The following SYCP2L variants were observed in gnomAD, a reference collection of about 807,000 sequenced individuals.
SYCP2L encodes synaptonemal complex protein 2 like.
SYCP2L carries 98 observed loss-of-function variants against 125.8 expected under a neutral mutation model. The ratio of observed to expected loss-of-function variants is 0.78; its 90% CI spans 0.66 to 0.92. SYCP2L has a LOEUF of 0.92. Among genes scored for constraint, SYCP2L ranks in the 40% least tolerant of loss-of-function variants. The pLI is 0.00. For synonymous variants in SYCP2L, 317 were observed against 325.4 expected (o/e 0.97, Z 0.28); for missense variants, 842 against 936.4 (o/e 0.90, Z 1.32).
intron 28 of SYCP2L, among the ~76,000 whole-genome samples, chr6:10,962,091 G>A (rs778118796): frequency 2.6e-4 from 39 of 152,130 alleles, no homozygotes; most frequent in Non-Finnish European, 5.0e-4. Context: ...GAAGGGGAGA[G>A]TTGAGTCTGG....
intron 1 of SYCP2L, among the ~76,000 whole-genome samples, chr6:10,889,053 G>A (rs1048057283): frequency 3.9e-5 from 6 of 152,038 alleles, no homozygotes; most frequent in African/African-American, 1.5e-4. Context: ...AGTAGAGACG[G>A]GTTTCACCAT....
intron 10 of SYCP2L, among the ~76,000 whole-genome samples, chr6:10,907,892 G>GTTTTGTTTTTTTTTTTTTTTTTT (rs1780526621): frequency 1.1e-5 from 1 of 91,922 alleles, no homozygotes; most frequent in Non-Finnish European, 2.0e-5. Context: ...ATACAGATAG[G>GTTTTGTTTTTTTTTTTTTTTTTT]TTTTTTTTTT....
intron 28 of SYCP2L, among the ~76,000 whole-genome samples, 170 bp from the exon 29 acceptor site, chr6:10,963,612 C>G (rs927526308): frequency 6.6e-6 from 1 of 152,138 alleles, no homozygotes; most frequent in Non-Finnish European, 1.5e-5. Flanking sequence ...AAAATGGAAT[C>G]AGATGAACAT....
At chr6:10,945,769 TAAAAAAAAAAA>T (rs56943517) in intron 23 of SYCP2L, among the ~76,000 whole-genome samples, 8 of 93,268 alleles carry the variant, frequency 8.6e-5, no homozygotes, top group Non-Finnish European at 1.7e-4. Flanking sequence ...GACTCCATCT[TAAAAAAAAAAA>T]AAAAAAAAAA....
rs367583804 is a variant in SYCP2L, at chr6:10,931,372, C to T, written c.1634-68C>T. The T allele has an allele frequency of 1.9e-4, 281 of 1,483,658 alleles. No individual in the cohort carries two copies. In the African/African-American group the frequency reaches 2.8e-3, roughly 15 times the overall value. 91.9% of individuals were successfully genotyped at this position (1,483,658 alleles called of 1,614,324 possible). A position where few individuals can be genotyped will look rare whatever the true frequency, so the allele number is the denominator to read the frequency against. ...CTTTTAGTGTTAGCATATTGGGAGA[C>T]GGAGTAGAGAATTTTTATGCCTCAT... On this transcript the variant is annotated intron_variant, in intron 19 of 29. Transcript: ENST00000283141.
intron 6 of SYCP2L, among the ~76,000 whole-genome samples, chr6:10,899,769 G>GCTTGGTTGACTTTAAAA (rs1303627892): frequency 6.6e-6 from 1 of 152,190 alleles, no homozygotes; most frequent in Non-Finnish European, 1.5e-5. Context: ...CATGCCCTGT[G>GCTTGGTTGACTTTAAAA]CTTGGTTGAC....
At chr6:10,939,055 G>A (rs748708391) in intron 21 of SYCP2L, among the ~76,000 whole-genome samples, 5 of 152,090 alleles carry the variant, frequency 3.3e-5, no homozygotes, top group Non-Finnish European at 7.4e-5. Context: ...AGGAGGTGCA[G>A]GTTGCAGTGA....
At position 10,928,905 on chromosome 6, in the gene SYCP2L, CTT is replaced by C. The variant is rs1361982250; in HGVS notation, c.1488+458_1488+459del. 5.6e-5 allele frequency among the ~76,000 whole-genome samples: 8 copies of C among 143,900 alleles called. No individual in the cohort carries two copies. In the East Asian group the frequency reaches 1.6e-3, roughly 28 times the overall value. 94.4% of individuals were successfully genotyped at this position (143,900 alleles called of 152,430 possible). ...TTTTGCCTCCATGTTTGTGTATACT[CTT>C]TTCTTTACTTTTTTTTTTTTTTTAA... On this transcript the variant is annotated intron_variant, in intron 18 of 29. Transcript: ENST00000283141.
chr6:10,940,933 T>A (rs1358513489), intron 21 of SYCP2L, among the ~76,000 whole-genome samples: 4 of 152,170 alleles, frequency 2.6e-5, no homozygotes, highest in Admixed American at 2.6e-4. Context: ...TGAGGCCAGA[T>A]GGGCAGCTCC....
intron 14 of SYCP2L, among the ~76,000 whole-genome samples, chr6:10,919,960 G>A (rs1296881864): frequency 1.3e-5 from 2 of 152,162 alleles, no homozygotes; most frequent in Non-Finnish European, 2.9e-5. Flanking sequence ...CTGTTTGCAG[G>A]CAATGGGTGA....
At position 10,912,624 on chromosome 6, in the gene SYCP2L, A is replaced by G. The variant is rs1325189514; in HGVS notation, c.919-49A>G. Reference sequence around the variant, plus strand: ...AAGGGAATAATGTTTATCTGACCCTATAGCATGATTTTTATGTGTATAAGT... The same window carrying G: ...AAGGGAATAATGTTTATCTGACCCTGTAGCATGATTTTTATGTGTATAAGT... On this transcript the variant is annotated intron_variant, in intron 12 of 29. Coordinates refer to ENST00000283141, the MANE Select transcript of SYCP2L (RefSeq NM_001040274.3). The surrounding 1 kb of genome is among the most constrained non-coding windows in gnomAD (Gnocchi z 4.1). The G allele has an allele frequency of 7.5e-6, 10 of 1,330,342 alleles. No individual in the cohort carries two copies. The highest frequency in any genetic ancestry group is 4.8e-5 in the South Asian group (4 of 83,270). 82.4% of individuals were successfully genotyped at this position (1,330,342 alleles called of 1,614,324 possible).
At chr6:10,910,796 A>T (rs759332353) in intron 11 of SYCP2L, 28 bp from the exon 12 acceptor site, 1 of 1,612,640 alleles carries the variant, frequency 6.2e-7, no homozygotes, top group Middle Eastern at 1.7e-4. Context: ...TTCATGTTTT[A>T]TTTTTTTAAT....
chr6:10,908,271 A>G (rs373124056), intron 10 of SYCP2L, among the ~76,000 whole-genome samples: 2 of 152,168 alleles, frequency 1.3e-5, no homozygotes, highest in Non-Finnish European at 2.9e-5. Flanking sequence ...GCAATTTTCA[A>G]TGAACCTTGA....
Position 10,969,208 on chromosome 6 carries a change from A to G in SYCP2L, c.*38-4744A>G, listed in dbSNP as rs556995551. Among the ~76,000 whole-genome samples the G allele has an allele frequency of 2.0e-5, 3 of 152,302 alleles. No homozygotes were observed. The East Asian group carries it at 5.8e-4, about 29-fold the overall frequency. ...AAGGATGTAATTCTATTTACCTTGA[A>G]GAGTATAGTAGTTATTTTTGCAAAA... On this transcript the variant is annotated intron_variant, in intron 29 of 29. Transcript: ENST00000283141.
chr6:10,967,450 A>G (rs1205399095), intron 29 of SYCP2L, among the ~76,000 whole-genome samples: 2 of 75,688 alleles, frequency 2.6e-5, no homozygotes, highest in African/African-American at 9.1e-5. Context: ...TGTATGGGGT[A>G]GAGGGTGTGT....
intron 21 of SYCP2L, among the ~76,000 whole-genome samples, chr6:10,938,956 T>C (rs1472186752): frequency 6.6e-6 from 1 of 151,946 alleles, no homozygotes; most frequent in East Asian, 1.9e-4. Context: ...CCATCTCTAC[T>C]AAAAATACAA....
chr6:10,904,134 T>C (rs1015470801), intron 8 of SYCP2L, among the ~76,000 whole-genome samples: 20 of 152,358 alleles, frequency 1.3e-4, no homozygotes, highest in Non-Finnish European at 2.6e-4. Flanking sequence ...AAAGAGGAAG[T>C]GCCCCAAGGT....
At chr6:10,957,671 G>A (rs1781523252) in intron 25 of SYCP2L, among the ~76,000 whole-genome samples, 1 of 152,100 alleles carries the variant, frequency 6.6e-6, no homozygotes, top group Non-Finnish European at 1.5e-5. Flanking sequence ...TTAAAAATTA[G>A]CCAGACATGG....
intron 29 of SYCP2L, among the ~76,000 whole-genome samples, chr6:10,968,258 G>C (rs1781711815): frequency 6.6e-6 from 1 of 152,210 alleles, no homozygotes. Flanking sequence ...GAAACTGCTA[G>C]AGGAGGGAAG....
Sources: gnomAD v4.1 joint callset for allele counts (sites outside exome capture counted in the v4.1 genomes callset) on GRCh38, gnomAD v4.1.1 for gene constraint, Gnocchi (gnomAD v3.1) non-coding constraint, MANE v1.5 for transcripts, NCBI Gene and HGNC (gene_info 2026-07-23, HGNC 2026-07-21) for gene names.